PTPN21: variants seen among roughly 807,000 people sequenced by gnomAD.
PTPN21 encodes the protein tyrosine-protein phosphatase non-receptor type 21.
A neutral mutation model predicts 131.8 loss-of-function variants in PTPN21; 77 were observed. That is an observed-to-expected ratio of 0.58 (90% CI 0.49 to 0.71). PTPN21 has a LOEUF of 0.71. PTPN21 is among the 30% of genes least tolerant of loss of function. The pLI is 0.00. For missense variants in PTPN21, 1,552 were observed against 1,527.1 expected, an observed-to-expected ratio of 1.02 and a Z score of -0.27; for synonymous variants, 715 against 621.3, an observed-to-expected ratio of 1.15 and a Z score of -2.24.
chr14:88,471,679 TG>T (rs1345398306), intron 15 of PTPN21, among the ~76,000 whole-genome samples: 2 of 152,176 alleles, frequency 1.3e-5, no homozygotes, highest in African/African-American at 2.4e-5. Flanking sequence ...AAAGCTTTTG[TG>T]AACACCATCA....
intron 10 of PTPN21, among the ~76,000 whole-genome samples, chr14:88,489,101 C>T (rs1463649362): frequency 6.6e-6 from 1 of 152,064 alleles, no homozygotes; most frequent in Admixed American, 6.6e-5. Context: ...ATCATGTGTC[C>T]AACCTGCTCC....
chr14:88,467,842 G>A lies in PTPN21; in HGVS notation c.*295C>T, dbSNP rs1292665316. On this transcript the variant is annotated 3_prime_UTR_variant, in exon 19 of 19. Coordinates refer to ENST00000556564, the MANE Select transcript of PTPN21 (RefSeq NM_007039.4). ...CATAGCTTCAGTAAAATAGAGAATT[G>A]TCTAGAAAATACAATCTCCAAAATG... 6.1e-6 allele frequency: 2 copies of A among 326,574 alleles called. No homozygotes were observed. Among genetic ancestry groups the A allele is most frequent in the African/African-American group, 4.4e-5 (2 of 45,304 alleles). 20.2% of individuals were successfully genotyped at this position (326,574 alleles called of 1,614,324 possible).
rs781681854 is a variant in PTPN21, at chr14:88,468,202, G to A, written c.3460C>T (p.Leu1154Phe). The A allele has an allele frequency of 1.9e-6, 3 of 1,612,340 alleles. No individual in the cohort carries two copies. The highest frequency in any genetic ancestry group is 2.5e-6 in the Non-Finnish European group (3 of 1,178,504). ...CTGTACACAAATGTGTACTGGCAGA[G>A]AGTCTGCACCAGCATCATTCTCTGT... ...RQQRMMLVQTLCQYTFVYRVL... is the reference protein window; with the variant it reads ...RQQRMMLVQTFCQYTFVYRVL... The change falls in exon 19 of 19, where the codon CTC becomes TTC. Residue 1154 changes from leucine (L) to phenylalanine (F), a missense_variant. Coordinates refer to ENST00000556564, the MANE Select transcript of PTPN21 (RefSeq NM_007039.4).
chr14:88,503,049 TTTTC>T (rs972845733), intron 6 of PTPN21, among the ~76,000 whole-genome samples: 1 of 147,698 alleles, frequency 6.8e-6, no homozygotes, highest in East Asian at 1.9e-4. Context: ...AACTAAATCT[TTTTC>T]TTTTTTTTTT....
chr14:88,508,315 A>C (rs1015751628), intron 3 of PTPN21, among the ~76,000 whole-genome samples: 1 of 151,822 alleles, frequency 6.6e-6, no homozygotes, highest in African/African-American at 2.4e-5. Flanking sequence ...ATGCCTGACA[A>C]ATTTTTCTAT....
chr14:88,472,350 G>C lies in PTPN21; in HGVS notation c.2765C>G (p.Ala922Gly), dbSNP rs1283419396. 1 of 1,613,628 alleles carries C rather than the reference G, an allele frequency of 6.2e-7. No individual in the cohort carries two copies. The highest frequency in any genetic ancestry group is 8.5e-7 in the Non-Finnish European group (1 of 1,179,554). The change falls in exon 15 of 19, where the codon GCA (alanine) becomes GGA (glycine). Residue 922 changes from alanine to glycine, a missense_variant. Transcript: ENST00000556564. ...AACATCTTGGAATCGATTTCTTTCT[G>C]CATTTTCAGGGAGTCGTGCTGTTGA... Reference protein sequence around the residue: ...ECSTARLPENAERNRFQDVLP... With the variant: ...ECSTARLPENGERNRFQDVLP...
intron 2 of PTPN21, among the ~76,000 whole-genome samples, chr14:88,526,217 T>G (rs1274014781): frequency 6.6e-6 from 1 of 152,138 alleles, no homozygotes; most frequent in Non-Finnish European, 1.5e-5. Flanking sequence ...TAGACAGTAT[T>G]GTAATCGTAC....
chr14:88,553,977 T>C (rs758151974), intron 1 of PTPN21, among the ~76,000 whole-genome samples: 19 of 152,176 alleles, frequency 1.2e-4, no homozygotes, highest in Middle Eastern at 3.2e-3. Context: ...TAAAATGCCC[T>C]AGAAACGAAA....
At chr14:88,541,538 T>G (rs1595416340) in intron 2 of PTPN21, among the ~76,000 whole-genome samples, 1 of 152,230 alleles carries the variant, frequency 6.6e-6, no homozygotes, top group Non-Finnish European at 1.5e-5. Flanking sequence ...TTCCTGAAGA[T>G]GCATCACATA....
Position 88,469,914 on chromosome 14 carries a change from G to A in PTPN21, c.3000+8C>T, listed in dbSNP as rs766124523. ...TGAGAAAATCACTTAAGAGAAATAA[G>A]TACCTACCTCTTCTGCTGTCACCAT... On this transcript the variant is annotated splice_region_variant and intron_variant, in intron 16 of 18. Transcript: ENST00000556564. The surrounding 1 kb of genome is among the most constrained non-coding windows in gnomAD (Gnocchi z 4.3). 1 of 1,613,880 alleles carries A rather than the reference G, an allele frequency of 6.2e-7. No homozygotes were observed. The highest frequency in any genetic ancestry group is 8.5e-7 in the Non-Finnish European group (1 of 1,179,984).
intron 2 of PTPN21, among the ~76,000 whole-genome samples, chr14:88,527,624 G>A (rs2078498522): frequency 6.6e-6 from 1 of 152,136 alleles, no homozygotes; most frequent in Non-Finnish European, 1.5e-5. Flanking sequence ...TTACTCTACT[G>A]ATTACTTCTT....
chr14:88,486,112 A>C (rs28371093), intron 10 of PTPN21, among the ~76,000 whole-genome samples: 56,901 of 152,088 alleles, frequency 0.37, 11,206 homozygotes, highest in African/African-American at 0.5. Context: ...ATCAGAGCAT[A>C]CTTCCCAGGC....
chr14:88,546,363 G>A (rs1475283659), intron 2 of PTPN21, among the ~76,000 whole-genome samples: 1 of 150,212 alleles, frequency 6.7e-6, no homozygotes, highest in Non-Finnish European at 1.5e-5. Context: ...TTCAAGACCA[G>A]CCTGGCCAAC....
Position 88,505,331 on chromosome 14 carries a change from A to G in PTPN21, c.489T>C (p.Phe163=). 6.2e-7 allele frequency: 1 copy of G among 1,610,184 alleles called. No homozygotes were observed. The highest frequency in any genetic ancestry group is 8.5e-7 in the Non-Finnish European group (1 of 1,177,074). ...GDFDQYESQD[F]LQKFALFPVG... Reference sequence around the variant, plus strand: ...CAGGAAACAAGGCAAATTTCTGAAGAAAGTCCTGGGATTCATACTGATCAA... The same window carrying G: ...CAGGAAACAAGGCAAATTTCTGAAGGAAGTCCTGGGATTCATACTGATCAA... Residue 163 remains phenylalanine (F), a synonymous_variant, in exon 5 of 19, where the codon TTT becomes TTC. Coordinates refer to ENST00000556564, the MANE Select transcript of PTPN21 (RefSeq NM_007039.4).
At chr14:88,547,928 T>C (rs1156496693) in intron 2 of PTPN21, among the ~76,000 whole-genome samples, 1 of 152,164 alleles carries the variant, frequency 6.6e-6, no homozygotes, top group Non-Finnish European at 1.5e-5. Context: ...TCCATCTGTC[T>C]ATTCAAAACC....
chr14:88,546,396 T>TAAA (rs34744168), intron 2 of PTPN21, among the ~76,000 whole-genome samples: 2 of 142,118 alleles, frequency 1.4e-5, no homozygotes, highest in Admixed American at 7.0e-5. Context: ...CATCTCTACT[T>TAAA]AAAAAAAAAA....
At chr14:88,470,370 G>A in intron 15 of PTPN21, 1 of 287,590 alleles carries the variant, frequency 3.5e-6, no homozygotes, top group Non-Finnish European at 6.5e-6. Context: ...TGTGAGGACT[G>A]AGTCAGTATC....
chr14:88,496,017 G>A (rs2077908762), intron 10 of PTPN21, among the ~76,000 whole-genome samples: 1 of 152,186 alleles, frequency 6.6e-6, no homozygotes, highest in African/African-American at 2.4e-5. Flanking sequence ...ATATCACCGT[G>A]TGCTTTATTG....
chr14:88,502,390 C>G (rs1020058770), intron 6 of PTPN21, among the ~76,000 whole-genome samples: 1 of 152,142 alleles, frequency 6.6e-6, no homozygotes, highest in Non-Finnish European at 1.5e-5. Flanking sequence ...TCTGGATCAC[C>G]TTCTGGGATT....
Sources: gnomAD v4.1 joint callset for allele counts (sites outside exome capture counted in the v4.1 genomes callset) on GRCh38, gnomAD v4.1.1 for gene constraint, Gnocchi (gnomAD v3.1) non-coding constraint, MANE v1.5 for transcripts, NCBI Gene and HGNC (gene_info 2026-07-23, HGNC 2026-07-21) for gene names.